Variants in CD109 observed in about 807,000 individuals in gnomAD.
CD109 encodes CD109 molecule, also known as CD109 antigen.
Under a neutral mutation model 165.8 loss-of-function variants are expected in CD109, and 149 were observed. The observed-to-expected ratio is 0.90, with a 90% CI of 0.79 to 1.03. The LOEUF (loss-of-function observed/expected upper bound fraction) is 1.03, where lower values mean the gene tolerates loss of function less well. Ranked by LOEUF, CD109 falls within the 50% of genes least tolerant of loss-of-function variation. The pLI, the probability that CD109 is intolerant of heterozygous loss-of-function variation, is 0.00. For synonymous variants in CD109, 585 were observed against 592.1 expected (o/e 0.99, Z 0.18); for missense variants, 1,712 against 1,677.8 (o/e 1.02, Z -0.36).
the CD109 span, among the ~76,000 whole-genome samples, chr6:73,679,533 A>G: frequency 6.6e-6 from 1 of 151,954 alleles, no homozygotes; most frequent in South Asian, 2.1e-4. Flanking sequence ...GCAGCATTTT[A>G]TATTTCAGTA....
In CD109 at chr6:73,786,001, G is replaced by A. The variant is rs377055458; in HGVS notation, c.2337+524G>A. Reference sequence around the variant, plus strand: ...TGGGATTACAAGGGTGCACCACCACGCCCAGCTAATTTTTGTGTTTTTCAT... The same window carrying A: ...TGGGATTACAAGGGTGCACCACCACACCCAGCTAATTTTTGTGTTTTTCAT... On this transcript the variant is annotated intron_variant, in intron 20 of 32. Coordinates refer to ENST00000287097, the MANE Select transcript of CD109 (RefSeq NM_133493.5). Among the ~76,000 whole-genome samples, 242 of 152,042 alleles carry A rather than the reference G, an allele frequency of 1.6e-3. 1 individual carries two copies. The highest frequency in any genetic ancestry group is 5.2e-3 in the African/African-American group (217 of 41,480).
chr6:73,756,648 G>T lies in CD109; in HGVS notation c.639G>T (p.Gln213His). 6.4e-7 allele frequency: 1 copy of T among 1,553,048 alleles called. No individual in the cohort carries two copies. The highest frequency in any genetic ancestry group is 1.2e-5 in the South Asian group (1 of 81,920). ...TTTTCTCCCCTGCCCAATAGGACCA[G>T]ACATACTATCAATCATTTCAGGTTT... Reference protein sequence around the residue: ...DWSIQVQVNDQTYYQSFQVSE... With the variant: ...DWSIQVQVNDHTYYQSFQVSE... Residue 213 changes from glutamine to histidine, a missense_variant, in exon 6 of 33, where the codon CAG becomes CAT. By Grantham distance (24) the Gln-to-His change is conservative. Coordinates refer to ENST00000287097, the MANE Select transcript of CD109 (RefSeq NM_133493.5).
At position 73,700,790 on chromosome 6, in the gene CD109, G is replaced by GTTTTTT. The variant is rs58140668; in HGVS notation, c.247+3242_247+3247dup. Among the ~76,000 whole-genome samples the GTTTTTT allele has an allele frequency of 1.8e-3, 94 of 51,482 alleles. 21 individuals are homozygous for GTTTTTT. The highest frequency in any genetic ancestry group is 2.4e-3 in the African/African-American group (30 of 12,442). 33.8% of individuals were successfully genotyped at this position (51,482 alleles called of 152,430 possible). ...CTACATTTATTGGGGATTGATTGTA[G>GTTTTTT]TTTTTTTTTTTTTTTTTTTTTTTTT... On this transcript the variant is annotated intron_variant, in intron 2 of 32. Transcript: ENST00000287097.
At chr6:73,696,694 G>T (rs1185104250) in intron 1 of CD109, among the ~76,000 whole-genome samples, 1 of 152,166 alleles carries the variant, frequency 6.6e-6, no homozygotes, top group African/African-American at 2.4e-5. Flanking sequence ...TGGCGGAGGG[G>T]ACTGATGTAT....
chr6:73,727,035 G>A (rs1772166017), intron 3 of CD109, among the ~76,000 whole-genome samples: 1 of 152,066 alleles, frequency 6.6e-6, no homozygotes, highest in Non-Finnish European at 1.5e-5. Context: ...CAGTAACTGT[G>A]GCCCCAAGAC....
intron 2 of CD109, among the ~76,000 whole-genome samples, chr6:73,704,292 C>T (rs914265001): frequency 1.2e-4 from 18 of 152,062 alleles, no homozygotes; most frequent in East Asian, 9.6e-4. Flanking sequence ...AAATTGTACT[C>T]GACCAAATAC....
Position 73,825,204 on chromosome 6 carries a change from C to T in CD109, c.*1571C>T, listed in dbSNP as rs1204022790. The T allele has an allele frequency of 2.0e-5, 3 of 152,122 alleles. No individual in the cohort carries two copies. Among genetic ancestry groups the T allele is most frequent in the Non-Finnish European group, 2.9e-5 (2 of 68,018 alleles). 9.4% of individuals were successfully genotyped at this position (152,122 alleles called of 1,614,324 possible). A position where few individuals can be genotyped will look rare whatever the true frequency, so the allele number is the denominator to read the frequency against. ...ATTCAGTATTTTAAAGCTGGCAAAC[C>T]TGTACATAGAAAATAGATCCCCAGA... On this transcript the variant is annotated 3_prime_UTR_variant, in exon 33 of 33. Transcript: ENST00000287097.
At chr6:73,685,802 G>A in the CD109 span, among the ~76,000 whole-genome samples, 1 of 152,104 alleles carries the variant, frequency 6.6e-6, no homozygotes, top group Non-Finnish European at 1.5e-5. Context: ...TACAGTATTT[G>A]GTTTTCCATT....
chr6:73,783,886 T>C, intron 19 of CD109, 62 bp downstream of exon 19: 1 of 876,906 alleles, frequency 1.1e-6, no homozygotes, highest in African/African-American at 2.0e-5. Flanking sequence ...CAGCGTCAGC[T>C]CCTCAATTTT....
At chr6:73,696,856 C>G (rs1417373458) in intron 1 of CD109, among the ~76,000 whole-genome samples, 1 of 152,142 alleles carries the variant, frequency 6.6e-6, no homozygotes, top group Non-Finnish European at 1.5e-5. Context: ...TTCGCTATAC[C>G]TGGAATTTTC....
At position 73,782,612 on chromosome 6, in the gene CD109, AG is replaced by A; in HGVS notation, c.1964-1del. ...CTAACTACTGTCAATGTTTATTTAT[AG>A]ATGACAATGCAGAATATGCTGAGAG... On this transcript the variant is annotated splice_acceptor_variant, in intron 17 of 32. Transcript: ENST00000287097. LOFTEE classifies it high-confidence loss of function. The A allele has an allele frequency of 6.2e-7, 1 of 1,610,890 alleles. No individual in the cohort carries two copies. The highest frequency in any genetic ancestry group is 8.5e-7 in the Non-Finnish European group (1 of 1,177,826).
chr6:73,706,138 G>C (rs1422916225), intron 2 of CD109, among the ~76,000 whole-genome samples: 2 of 152,104 alleles, frequency 1.3e-5, no homozygotes, highest in African/African-American at 2.4e-5. Flanking sequence ...GTATGAAATT[G>C]AGATGAAGAA....
the CD109 span, among the ~76,000 whole-genome samples, chr6:73,687,340 C>T: frequency 3.9e-5 from 6 of 151,996 alleles, no homozygotes; most frequent in Admixed American, 3.9e-4. Flanking sequence ...ATTGGATACT[C>T]CTTCCTCCCT....
At chr6:73,781,835 A>ACACACACACACAC (rs150665697) in intron 17 of CD109, among the ~76,000 whole-genome samples, 8 of 144,322 alleles carry the variant, frequency 5.5e-5, no homozygotes, top group Admixed American at 3.5e-4. Context: ...ACACACACAC[A>ACACACACACACAC]CCCCTCATCA....
intron 5 of CD109, among the ~76,000 whole-genome samples, chr6:73,756,205 G>T (rs1326891303): frequency 6.6e-6 from 1 of 152,194 alleles, no homozygotes. Flanking sequence ...AAGTATTTGA[G>T]TTATGTGTAA....
At chr6:73,791,164 T>TATATATATACAC (rs1774934191) in intron 22 of CD109, among the ~76,000 whole-genome samples, 1 of 64,144 alleles carries the variant, frequency 1.6e-5, no homozygotes, top group African/African-American at 7.3e-5. Flanking sequence ...TATATATATA[T>TATATATATACAC]ATATATATAT....
intron 3 of CD109, among the ~76,000 whole-genome samples, chr6:73,728,746 GA>G (rs1433100014): frequency 1.3e-5 from 2 of 152,158 alleles, no homozygotes; most frequent in Non-Finnish European, 2.9e-5. Flanking sequence ...GCTATCTGTA[GA>G]CAAAACTTAT....
At chr6:73,759,062 A>C in intron 7 of CD109, 34 bp downstream of exon 7, 1 of 1,346,858 alleles carries the variant, frequency 7.4e-7, no homozygotes, top group Non-Finnish European at 1.1e-6. Flanking sequence ...ATGACTCAAA[A>C]CCATTATAAA....
chr6:73,814,105 A>G (rs1323184160), intron 29 of CD109, among the ~76,000 whole-genome samples: 1 of 152,096 alleles, frequency 6.6e-6, no homozygotes, highest in African/African-American at 2.4e-5. Context: ...GAAGGCTTAG[A>G]GGATTTTTTT....
Sources: gnomAD v4.1 joint callset for allele counts (sites outside exome capture counted in the v4.1 genomes callset) on GRCh38, gnomAD v4.1.1 for gene constraint, MANE v1.5 for transcripts, NCBI Gene and HGNC (gene_info 2026-07-23, HGNC 2026-07-21) for gene names.